The following NANOGNB variants were observed in gnomAD, a reference collection of about 807,000 sequenced individuals.
NANOGNB encodes NANOG neighbor homeobox.
A neutral mutation model predicts 25.0 loss-of-function variants in NANOGNB; 30 were observed. The ratio of observed to expected loss-of-function variants is 1.20; its 90% CI spans 0.90 to 1.63. NANOGNB has a LOEUF of 1.63. Ranked by LOEUF, NANOGNB falls within the 40% of genes most tolerant of loss-of-function variation. NANOGNB has a pLI of 0.00. For synonymous variants in NANOGNB, 84 were observed against 62.1 expected, an observed-to-expected ratio of 1.35 and a Z score of -1.66; for missense variants, 200 against 188.1, an observed-to-expected ratio of 1.06 and a Z score of -0.37.
At position 7,773,685 on chromosome 12, in the gene NANOGNB, A is replaced by T. The variant is rs754015705; in HGVS notation, c.516-115A>T. ...GGTTGCAGTCAGCCGAGATTGTGCC[A>T]TTGCACTCCAGCTTGGGTGACAAGA... On this transcript the variant is annotated intron_variant, in intron 3 of 3. Coordinates refer to ENST00000382119, the MANE Select transcript of NANOGNB (RefSeq NM_001145465.1). 9.2e-6 allele frequency: 4 copies of T among 432,800 alleles called. No individual in the cohort carries two copies. The South Asian group carries it at 1.6e-4, about 18-fold the overall frequency. The allele number at this position is 432,800 out of a possible 1,614,324, so 26.8% of individuals were successfully genotyped here. A position where few individuals can be genotyped will look rare whatever the true frequency, so the allele number is the denominator to read the frequency against.
At chr12:7,773,773 CT>C (rs34408824) in intron 3 of NANOGNB, 26 bp from the exon 4 acceptor site, 56,536 of 508,350 alleles carry the variant, frequency 0.11, 39 homozygotes, top group Middle Eastern at 0.14. Flanking sequence ...TTGCGAAACT[CT>C]TTTTTTTTTT....
At position 7,765,478 on chromosome 12, in the gene NANOGNB, G is replaced by C. The variant is rs1444451107; in HGVS notation, c.102+91G>C. 1.9e-5 allele frequency: 5 copies of C among 257,724 alleles called. 1 individual carries two copies. Among genetic ancestry groups the C allele is most frequent in the Non-Finnish European group, 3.1e-5 (4 of 129,694 alleles). 16.0% of individuals were successfully genotyped at this position (257,724 alleles called of 1,614,324 possible). On this transcript the variant is annotated intron_variant, in intron 1 of 3. Coordinates refer to ENST00000382119, the MANE Select transcript of NANOGNB (RefSeq NM_001145465.1). ...CTAGCTACTCTGGAGGCTGAGGCGG[G>C]AGAATGGCGTGAACCCGGGAGGCGG... is the stretch of plus-strand genomic sequence containing the variant.
chr12:7,772,467 G>A (rs1422960396), intron 3 of NANOGNB, among the ~76,000 whole-genome samples: 2 of 150,870 alleles, frequency 1.3e-5, no homozygotes, highest in Non-Finnish European at 3.0e-5. Flanking sequence ...TAGTAGAGAT[G>A]GGGGTTTCAC....
intron 3 of NANOGNB, 61 bp downstream of exon 3, chr12:7,770,579 T>C: frequency 9.0e-7 from 1 of 1,116,644 alleles, no homozygotes; most frequent in East Asian, 2.6e-5. Context: ...CTTCCGGAGT[T>C]GGTTTGTGTT....
chr12:7,772,427 G>A (rs1422970359), intron 3 of NANOGNB, among the ~76,000 whole-genome samples: 15 of 150,808 alleles, frequency 9.9e-5, no homozygotes, highest in Admixed American at 4.0e-4. Context: ...ACAGGTGCCC[G>A]CCACCACGCC....
chr12:7,766,810 G>C (rs149300436), intron 1 of NANOGNB, among the ~76,000 whole-genome samples: 3 of 152,036 alleles, frequency 2.0e-5, no homozygotes, highest in African/African-American at 7.2e-5. Flanking sequence ...TTACAGGAGT[G>C]ACCCTCCACG....
intron 3 of NANOGNB, among the ~76,000 whole-genome samples, chr12:7,772,070 C>T (rs1160980713): frequency 6.6e-6 from 1 of 152,184 alleles, no homozygotes; most frequent in African/African-American, 2.4e-5. Flanking sequence ...AAGAATAGAA[C>T]TCCAAATGTC....
chr12:7,766,432 C>T (rs892400235), intron 1 of NANOGNB, among the ~76,000 whole-genome samples: 3 of 152,170 alleles, frequency 2.0e-5, no homozygotes, highest in Non-Finnish European at 4.4e-5. Context: ...GAGATCCAGC[C>T]ACTGCACTCC....
chr12:7,769,993 C>G lies in NANOGNB; in HGVS notation c.113C>G (p.Ala38Gly), dbSNP rs778968033. The change falls in exon 2 of 4, where the codon GCT (alanine) becomes GGT (glycine). Residue 38 changes from alanine (A) to glycine (G), a missense_variant. Physicochemically the swap from Ala to Gly is moderately conservative, Grantham distance 60 (BLOSUM62 0). Transcript: ENST00000382119. The part of the protein sequence containing the change: ...ETILANKKQS[A>G]MPWDQDPEQS... ...GATCTTTTTATACAGAAACAATCAG[C>G]TATGCCTTGGGATCAAGATCCAGAA... 1.3e-6 allele frequency: 2 copies of G among 1,510,934 alleles called. No individual in the cohort carries two copies. The highest frequency in any genetic ancestry group is 1.8e-6 in the Non-Finnish European group (2 of 1,134,584). 93.6% of individuals were successfully genotyped at this position (1,510,934 alleles called of 1,614,324 possible).
At chr12:7,767,774 T>C (rs897423895) in intron 1 of NANOGNB, among the ~76,000 whole-genome samples, 14 of 151,158 alleles carry the variant, frequency 9.3e-5, no homozygotes, top group African/African-American at 2.9e-4. Context: ...TTTTTTTTTT[T>C]CCGGTGTGGC....
At chr12:7,767,895 C>T (rs112594581) in intron 1 of NANOGNB, among the ~76,000 whole-genome samples, 11 of 150,840 alleles carry the variant, frequency 7.3e-5, no homozygotes, top group East Asian at 1.9e-4. Context: ...TTATTTTTTG[C>T]GGAGAGGAGA....
At chr12:7,773,756 G>T (rs1039800978) in intron 3 of NANOGNB, 44 bp from the exon 4 acceptor site, 5 of 600,324 alleles carry the variant, frequency 8.3e-6, no homozygotes, top group South Asian at 7.2e-5. Flanking sequence ...TAAATATATA[G>T]ACTGTGTTGC....
At chr12:7,771,302 G>A (rs1020376876) in intron 3 of NANOGNB, among the ~76,000 whole-genome samples, 3 of 150,850 alleles carry the variant, frequency 2.0e-5, no homozygotes, top group Non-Finnish European at 4.4e-5. Context: ...CTCACTGCAA[G>A]CTCCGCCTCC....
intron 3 of NANOGNB, among the ~76,000 whole-genome samples, chr12:7,772,660 T>C (rs1390773448): frequency 1.3e-5 from 2 of 149,332 alleles, no homozygotes; most frequent in Non-Finnish European, 3.0e-5. Context: ...CTTGGCTTAC[T>C]GCAACCTCCA....
In NANOGNB at chr12:7,774,035, T is replaced by C; in HGVS notation, c.*184T>C. 2.5e-6 allele frequency: 1 copy of C among 404,840 alleles called. No individual in the cohort carries two copies. Among genetic ancestry groups the C allele is most frequent in the Non-Finnish European group, 4.3e-6 (1 of 230,562 alleles). 25.1% of individuals were successfully genotyped at this position (404,840 alleles called of 1,614,324 possible). On this transcript the variant is annotated 3_prime_UTR_variant, in exon 4 of 4. Transcript: ENST00000382119. ...TGAGGGGTATGCAAAGGAGTTTTTA[T>C]GTGTTTTATTTTTACCCTACTGTAG...
At chr12:7,769,454 C>T (rs1391401632) in intron 1 of NANOGNB, among the ~76,000 whole-genome samples, 1 of 152,114 alleles carries the variant, frequency 6.6e-6, no homozygotes, top group African/African-American at 2.4e-5. Context: ...TCCCAAGTAG[C>T]TGGAACTACA....
At chr12:7,770,874 A>G (rs1212408945) in intron 3 of NANOGNB, among the ~76,000 whole-genome samples, 1 of 152,112 alleles carries the variant, frequency 6.6e-6, no homozygotes, top group African/African-American at 2.4e-5. Flanking sequence ...GGCCTTCCAA[A>G]GTGCTGGGAT....
intron 1 of NANOGNB, among the ~76,000 whole-genome samples, chr12:7,765,814 A>T (rs1357778592): frequency 2.0e-5 from 3 of 152,064 alleles, no homozygotes; most frequent in Non-Finnish European, 4.4e-5. Context: ...TTCAATTCAC[A>T]TAACTTATTA....
rs1865283844 is a variant in NANOGNB at position 7,770,524 on chromosome 12, A to G, written c.515+6A>G. ...CATAAGAAAAAACATATGAGGTAAGAAAGTGTTTCTTGTAAAATAAAAGGA... is the reference window on the plus strand; with the variant it reads ...CATAAGAAAAAACATATGAGGTAAGGAAGTGTTTCTTGTAAAATAAAAGGA... On this transcript the variant is annotated splice_donor_region_variant and intron_variant, in intron 3 of 3. Coordinates refer to ENST00000382119, the MANE Select transcript of NANOGNB (RefSeq NM_001145465.1). 2 of 1,438,580 alleles carry G rather than the reference A, an allele frequency of 1.4e-6. No homozygotes were observed. The highest frequency in any genetic ancestry group is 1.9e-6 in the Non-Finnish European group (2 of 1,055,336). The allele number at this position is 1,438,580 out of a possible 1,614,324, so 89.1% of individuals were successfully genotyped here.
Sources: allele counts gnomAD v4.1 joint callset (sites outside exome capture counted in the v4.1 genomes callset), GRCh38; gene constraint gnomAD v4.1.1; transcripts MANE v1.5; gene names NCBI Gene and HGNC (gene_info 2026-07-23, HGNC 2026-07-21).